Variants in IQCB1 observed in about 807,000 individuals in gnomAD.
IQCB1 encodes the protein IQ motif containing B1, also known as IQ calmodulin-binding motif-containing protein 1.
A neutral mutation model predicts 84.4 loss-of-function variants in IQCB1; 56 were observed. That is an observed-to-expected ratio of 0.66 (90% confidence interval 0.54 to 0.83). The LOEUF (loss-of-function observed/expected upper bound fraction) is 0.83. IQCB1 is among the 40% of genes least tolerant of loss of function. IQCB1 has a pLI of 0.00. For synonymous variants in IQCB1, 210 were observed against 234.8 expected (o/e 0.89, Z 0.96); for missense variants, 629 against 682.1 (o/e 0.92, Z 0.87).
At chr3:121,772,521 T>C in intron 14 of IQCB1, 36 bp downstream of exon 14, 4 of 1,611,838 alleles carry the variant, frequency 2.5e-6, no homozygotes, top group Non-Finnish European at 3.4e-6. Context: ...GCATAGGTTG[T>C]TCCTTTTAGA....
At chr3:121,825,244 G>A (rs6780316) in intron 5 of IQCB1, among the ~76,000 whole-genome samples, 97,568 of 151,610 alleles carry the variant, frequency 0.64, 31,875 homozygotes, top group African/African-American at 0.71. Flanking sequence ...ATTTTTAGTA[G>A]AGACAGGGTT....
intron 13 of IQCB1, among the ~76,000 whole-genome samples, chr3:121,775,068 T>C (rs563824382): frequency 5.9e-5 from 9 of 152,268 alleles, no homozygotes; most frequent in East Asian, 3.9e-4. Context: ...AAAAGCAATA[T>C]AGTCCTCTCT....
At chr3:121,770,696 C>T in intron 14 of IQCB1, 122 bp from the exon 15 acceptor site, 1 of 810,798 alleles carries the variant, frequency 1.2e-6, no homozygotes, top group South Asian at 1.4e-5. Context: ...GAATGTACTA[C>T]TTTTGAGAAA....
intron 6 of IQCB1, among the ~76,000 whole-genome samples, chr3:121,808,659 T>C (rs780432456): frequency 2.6e-5 from 4 of 152,124 alleles, no homozygotes; most frequent in Non-Finnish European, 5.9e-5. Context: ...TTTGTCTTTA[T>C]CTTAGATTTG....
chr3:121,797,354 T>G, intron 8 of IQCB1, 127 bp from the exon 9 acceptor site: 2 of 517,908 alleles, frequency 3.9e-6, no homozygotes, highest in Non-Finnish European at 6.7e-6. Context: ...ATTAATCATA[T>G]GATTTTTCTT....
At chr3:121,822,377 T>C (rs574641631) in intron 5 of IQCB1, among the ~76,000 whole-genome samples, 99 of 152,232 alleles carry the variant, frequency 6.5e-4, no homozygotes, top group Non-Finnish European at 7.8e-4. Context: ...AGAGTTCAAA[T>C]AAGAAGTTGC....
At chr3:121,792,894 C>T (rs947122041) in intron 10 of IQCB1, among the ~76,000 whole-genome samples, 5 of 152,118 alleles carry the variant, frequency 3.3e-5, no homozygotes, top group African/African-American at 1.2e-4. Flanking sequence ...CAACTGGTTT[C>T]TTTGTAAGAA....
At chr3:121,819,368 AG>A (rs1181677677) in intron 5 of IQCB1, among the ~76,000 whole-genome samples, 1 of 152,174 alleles carries the variant, frequency 6.6e-6, no homozygotes, top group Non-Finnish European at 1.5e-5. Context: ...CTGATCTGAC[AG>A]GAGGCAGAGC....
intron 10 of IQCB1, among the ~76,000 whole-genome samples, chr3:121,790,483 A>T (rs766414170): frequency 2.6e-5 from 4 of 152,218 alleles, no homozygotes; most frequent in Non-Finnish European, 4.4e-5. Context: ...TCTATTACAA[A>T]TAATTTTCTT....
chr3:121,803,154 A>T (rs150848594), intron 7 of IQCB1, among the ~76,000 whole-genome samples: 5 of 152,202 alleles, frequency 3.3e-5, no homozygotes, highest in African/African-American at 7.2e-5. Flanking sequence ...TCCTGGGCTC[A>T]AGAGATTCTC....
intron 7 of IQCB1, among the ~76,000 whole-genome samples, chr3:121,803,651 A>G (rs1361981852): frequency 2.6e-5 from 4 of 152,218 alleles, no homozygotes; most frequent in Non-Finnish European, 5.9e-5. Context: ...TATTAGGTCA[A>G]TAAACACATC....
chr3:121,810,436 G>A (rs1451646550), intron 5 of IQCB1, among the ~76,000 whole-genome samples: 2 of 151,706 alleles, frequency 1.3e-5, no homozygotes, highest in East Asian at 1.9e-4. Flanking sequence ...TTAATTCTTG[G>A]ATAACATTAA....
chr3:121,795,205 G>T (rs1949131154), intron 10 of IQCB1, among the ~76,000 whole-genome samples: 1 of 151,858 alleles, frequency 6.6e-6, no homozygotes, highest in Non-Finnish European at 1.5e-5. Flanking sequence ...CCCTTTGTAG[G>T]CTTGGCCCCT....
rs775232189 is a variant in IQCB1 at position 121,795,485 on chromosome 3, C to T, written c.958G>A (p.Ala320Thr). ...AAACTCCTCTGCAAAGCAATCACAG[C>T]AGATGGAAGCTTCTTTAATCTCTTT... The part of the protein sequence containing the change: ...TRKRLKKLPS[A>T]VIALQRSFRS... The change falls in exon 10 of 15, where the codon GCT (alanine) becomes ACT (threonine). Residue 320 changes from alanine (A) to threonine (T), a missense_variant. By Grantham distance (58) the Ala-to-Thr change is moderately conservative. Coordinates refer to ENST00000310864, the MANE Select transcript of IQCB1 (RefSeq NM_001023570.4). The T allele has an allele frequency of 1.9e-6, 3 of 1,604,940 alleles. No individual in the cohort carries two copies. The highest frequency in any genetic ancestry group is 3.3e-5 in the Admixed American group (2 of 59,988).
intron 4 of IQCB1, among the ~76,000 whole-genome samples, chr3:121,827,626 T>C (rs926302856): frequency 2.6e-5 from 4 of 152,082 alleles, no homozygotes; most frequent in Non-Finnish European, 4.4e-5. Context: ...TGAAAAAGAA[T>C]ATCACATATA....
chr3:121,788,519 G>A (rs1019588068), intron 11 of IQCB1, 87 bp from the exon 12 acceptor site: 4 of 1,221,458 alleles, frequency 3.3e-6, no homozygotes, highest in Non-Finnish European at 4.8e-6. Context: ...TAATAATCTT[G>A]CATTCTTTTT....
At chr3:121,773,245 C>T (rs1459761264) in intron 13 of IQCB1, among the ~76,000 whole-genome samples, 20 of 138,366 alleles carry the variant, frequency 1.4e-4, no homozygotes, top group Non-Finnish European at 1.2e-4. Flanking sequence ...ACCTGGGAGG[C>T]AGAGTTTGCA....
At chr3:121,804,383 T>C (rs1440906364) in intron 7 of IQCB1, among the ~76,000 whole-genome samples, 1 of 152,154 alleles carries the variant, frequency 6.6e-6, no homozygotes, top group Admixed American at 6.5e-5. Flanking sequence ...TATTTCTTTG[T>C]GTAGATGAAT....
At chr3:121,777,276 T>C (rs917879257) in intron 13 of IQCB1, among the ~76,000 whole-genome samples, 1 of 152,240 alleles carries the variant, frequency 6.6e-6, no homozygotes, top group Admixed American at 6.5e-5. Flanking sequence ...TGTTAGGTGA[T>C]TCTGGCACTG....
Sources: gnomAD v4.1 joint callset for allele counts (sites outside exome capture counted in the v4.1 genomes callset) on GRCh38, gnomAD v4.1.1 for gene constraint, MANE v1.5 for transcripts, NCBI Gene and HGNC (gene_info 2026-07-23, HGNC 2026-07-21) for gene names.